Variants in XCR1 observed in about 807,000 individuals in gnomAD.
XCR1 encodes the protein chemokine XC receptor 1.
For synonymous variants in XCR1, 187 were observed against 188.5 expected, an observed-to-expected ratio of 0.99 and a Z score of 0.06; for missense variants, 356 against 424.2, an observed-to-expected ratio of 0.84 and a Z score of 1.41.
intron 4 of XCR1, among the ~76,000 whole-genome samples, chr3:46,064,641 A>G (rs1559492552): frequency 1.3e-5 from 2 of 152,176 alleles, no homozygotes; most frequent in Admixed American, 6.5e-5. Flanking sequence ...TCTGACCACC[A>G]CTTTCGAAGT....
intron 1 of XCR1, among the ~76,000 whole-genome samples, chr3:46,022,923 T>A (rs1036047588): frequency 1.5e-5 from 1 of 68,220 alleles, no homozygotes; most frequent in Admixed American, 2.7e-4. Flanking sequence ...AAAATGTAAC[T>A]AACTATTATA....
At chr3:46,045,986 T>C (rs1156404141) in intron 5 of XCR1, among the ~76,000 whole-genome samples, 3 of 152,142 alleles carry the variant, frequency 2.0e-5, no homozygotes, top group African/African-American at 7.2e-5. Context: ...CAACAGGTGA[T>C]TGGATAAAGA....
chr3:46,074,145 T>A (rs1698211709), intron 3 of XCR1, among the ~76,000 whole-genome samples: 1 of 151,596 alleles, frequency 6.6e-6, no homozygotes, highest in African/African-American at 2.4e-5. Context: ...ACAGCACAAT[T>A]TACAATATAT....
intron 3 of XCR1, among the ~76,000 whole-genome samples, chr3:46,069,400 CAG>C (rs1255200874): frequency 6.6e-6 from 1 of 152,086 alleles, no homozygotes; most frequent in African/African-American, 2.4e-5. Context: ...AGGAATGAAA[CAG>C]GGAGTATCAC....
At chr3:46,064,960 G>A (rs541904973) in intron 4 of XCR1, among the ~76,000 whole-genome samples, 224 of 152,098 alleles carry the variant, frequency 1.5e-3, no homozygotes, top group Non-Finnish European at 2.2e-3. Flanking sequence ...GTGTGGTGGC[G>A]CATGCCTGTA....
In XCR1 at chr3:46,036,768, G is replaced by A. The variant is rs1349307905; in HGVS notation, c.-31-14790C>T. ...AAGTAAGACTAATTTAATGTTATTG[G>A]TTTAATGAAAACAGCTGAATCTTCT... On this transcript the variant is annotated intron_variant, in intron 5 of 5. Coordinates refer to the XCR1 transcript ENST00000683768. Among the ~76,000 whole-genome samples, 6 of 152,124 alleles carry A rather than the reference G, an allele frequency of 3.9e-5. No individual in the cohort carries two copies. The East Asian group carries it at 9.6e-4, about 24-fold the overall frequency.
Position 46,020,273 on chromosome 3 carries a change from A to G in XCR1, c.*673T>C, listed in dbSNP as rs1217754473. On this transcript the variant is annotated 3_prime_UTR_variant, in exon 2 of 2. Coordinates refer to ENST00000309285, the MANE Select transcript of XCR1 (RefSeq NM_001024644.2). ...ATAAATACTTAGTGCAGAAGGTAGCACTTATTAAATTCATTCCTTCAATCA... is the reference window on the plus strand; with the variant it reads ...ATAAATACTTAGTGCAGAAGGTAGCGCTTATTAAATTCATTCCTTCAATCA... 6.6e-6 allele frequency: 1 copy of G among 152,468 alleles called. No homozygotes were observed. Among genetic ancestry groups the G allele is most frequent in the Non-Finnish European group, 1.5e-5 (1 of 68,254 alleles). The allele number at this position is 152,468 out of a possible 1,614,324, so 9.4% of individuals were successfully genotyped here. A position where few individuals can be genotyped will look rare whatever the true frequency, so the allele number is the denominator to read the frequency against.
intron 3 of XCR1, among the ~76,000 whole-genome samples, chr3:46,071,548 C>A (rs946537097): frequency 1.3e-5 from 2 of 152,058 alleles, no homozygotes; most frequent in African/African-American, 4.8e-5. Flanking sequence ...AACATAGATA[C>A]AAAAATCCTC....
chr3:46,042,646 A>T (rs1697556139), intron 5 of XCR1, among the ~76,000 whole-genome samples: 1 of 152,236 alleles, frequency 6.6e-6, no homozygotes, highest in South Asian at 2.1e-4. Context: ...ACCTGAATGG[A>T]CCTATAACAA....
intron 1 of XCR1, among the ~76,000 whole-genome samples, chr3:46,025,072 G>A (rs1250586032): frequency 6.6e-6 from 1 of 152,154 alleles, no homozygotes; most frequent in Non-Finnish European, 1.5e-5. Context: ...TTAAATGCGT[G>A]TATTAGAAAG....
intron 3 of XCR1, among the ~76,000 whole-genome samples, chr3:46,073,965 A>G (rs985633400): frequency 6.6e-6 from 1 of 151,988 alleles, no homozygotes; most frequent in East Asian, 1.9e-4. Flanking sequence ...ACTCTTATAC[A>G]TTGTTGGTGG....
intron 3 of XCR1, among the ~76,000 whole-genome samples, chr3:46,072,048 A>G (rs1158412168): frequency 2.6e-5 from 4 of 152,202 alleles, no homozygotes; most frequent in East Asian, 1.9e-4. Flanking sequence ...TTATGATCTT[A>G]TATCTAGAAA....
intron 5 of XCR1, among the ~76,000 whole-genome samples, chr3:46,042,388 C>G (rs1002392976): frequency 6.6e-6 from 1 of 151,976 alleles, no homozygotes; most frequent in Non-Finnish European, 1.5e-5. Flanking sequence ...AAAGTTTGCT[C>G]TTTAAAAAAA....
At chr3:46,047,521 T>G (rs1249524114) in intron 5 of XCR1, among the ~76,000 whole-genome samples, 2 of 152,092 alleles carry the variant, frequency 1.3e-5, no homozygotes, top group African/African-American at 2.4e-5. Flanking sequence ...GTAAATTGAG[T>G]GGTGATATTC....
chr3:46,021,616 A>T lies in XCR1; in HGVS notation c.332T>A (p.Ile111Asn). The T allele has an allele frequency of 6.2e-7, 1 of 1,613,280 alleles. No individual in the cohort carries two copies. The highest frequency in any genetic ancestry group is 8.5e-7 in the Non-Finnish European group (1 of 1,179,686). The change falls in exon 2 of 2, where the codon ATC becomes AAC. Residue 111 changes from isoleucine (I) to asparagine (N), a missense_variant. Ile to Asn is a moderately radical substitution (Grantham distance 149). Transcript: ENST00000309285. The surrounding 1 kb of genome is among the most constrained non-coding windows in gnomAD (Gnocchi z 4.7). Reference sequence around the variant, plus strand: ...GAAGAAGATGCTGCTGTAGAGGCTGATGGAGAAGATCATATTGAGGAGTTT... The same window carrying T: ...GAAGAAGATGCTGCTGTAGAGGCTGTTGGAGAAGATCATATTGAGGAGTTT... ...LCKLLNMIFS[I>N]SLYSSIFFLT...
intron 1 of XCR1, among the ~76,000 whole-genome samples, chr3:46,084,431 A>G (rs1203960897): frequency 6.6e-6 from 1 of 152,204 alleles, no homozygotes; most frequent in Non-Finnish European, 1.5e-5. Flanking sequence ...GAGCTAAGTA[A>G]TTACCTCTTG....
At chr3:46,057,413 G>T (rs554789379) in intron 4 of XCR1, among the ~76,000 whole-genome samples, 4 of 152,122 alleles carry the variant, frequency 2.6e-5, no homozygotes, top group African/African-American at 9.7e-5. Flanking sequence ...AAAAATTGGC[G>T]TCTTGATTTT....
chr3:46,074,995 GA>G (rs1286987490), intron 2 of XCR1, among the ~76,000 whole-genome samples: 1 of 151,684 alleles, frequency 6.6e-6, no homozygotes, highest in African/African-American at 2.4e-5. Flanking sequence ...AATCTCCCAA[GA>G]AAAAAATTTC....
chr3:46,030,113 A>G (rs191902698), upstream of XCR1, among the ~76,000 whole-genome samples: 189 of 151,802 alleles, frequency 1.2e-3, 1 homozygote, highest in South Asian at 0.017. Flanking sequence ...TGACATCTGC[A>G]TATAGAAATA....
Sources: allele counts gnomAD v4.1 joint callset (sites outside exome capture counted in the v4.1 genomes callset), GRCh38; gene constraint gnomAD v4.1.1; non-coding constraint Gnocchi (gnomAD v3.1); transcripts MANE v1.5; gene names NCBI Gene and HGNC (gene_info 2026-07-23, HGNC 2026-07-21).